The following ACACA variants were observed in gnomAD, a reference collection of about 807,000 sequenced individuals.
The protein encoded by ACACA is acetyl-CoA carboxylase 1.
Under a neutral mutation model 296.1 loss-of-function variants are expected in ACACA, and 103 were observed. That is an observed-to-expected ratio of 0.35 (90% CI 0.30 to 0.41). The LOEUF (loss-of-function observed/expected upper bound fraction) is 0.41, where lower values mean the gene tolerates loss of function less well. Among genes scored for constraint, ACACA ranks in the 10% least tolerant of loss-of-function variants. The pLI is 1.00. For synonymous variants in ACACA, 953 were observed against 1,038.6 expected, an observed-to-expected ratio of 0.92 and a Z score of 1.58; for missense variants, 1,554 against 2,989.7, an observed-to-expected ratio of 0.52 and a Z score of 11.20.
At chr17:37,351,379 C>T (rs1022972600) in intron 1 of ACACA, among the ~76,000 whole-genome samples, 2 of 152,172 alleles carry the variant, frequency 1.3e-5, no homozygotes, top group African/African-American at 4.8e-5. Context: ...ACGAGAATTG[C>T]TTGAACCCAG....
rs3049593 is a variant in ACACA, at chr17:37,103,722, AACAC to A, written c.6566-5742_6566-5739del. ...AAGACCCTGTCTCTACAAACACACAAACACACACACACACACACACACACACACA... is the reference window on the plus strand; with the variant it reads ...AAGACCCTGTCTCTACAAACACACAAACACACACACACACACACACACACA... On this transcript the variant is annotated intron_variant, in intron 52 of 55. Coordinates refer to ENST00000616317, the MANE Select transcript of ACACA (RefSeq NM_198834.3). 7.2e-3 allele frequency among the ~76,000 whole-genome samples: 1,068 copies of A among 148,548 alleles called. 5 individuals carry two copies. The highest frequency in any genetic ancestry group is 0.024 in the South Asian group (114 of 4,706).
At chr17:37,311,330 C>T (rs2084129802) in intron 3 of ACACA, among the ~76,000 whole-genome samples, 1 of 152,054 alleles carries the variant, frequency 6.6e-6, no homozygotes, top group Admixed American at 6.6e-5. Context: ...ACCCTCCCTC[C>T]TTTGGTCATC....
At chr17:37,301,170 A>G (rs1325065789) in intron 3 of ACACA, among the ~76,000 whole-genome samples, 1 of 152,178 alleles carries the variant, frequency 6.6e-6, no homozygotes, top group Non-Finnish European at 1.5e-5. Flanking sequence ...CCTTTCACCA[A>G]ACGGATCTTT....
intron 52 of ACACA, among the ~76,000 whole-genome samples, chr17:37,101,421 T>C (rs2073356076): frequency 6.6e-6 from 1 of 152,200 alleles, no homozygotes; most frequent in Admixed American, 6.5e-5. Flanking sequence ...ATTAATTTAT[T>C]ATCACAACAA....
In ACACA at chr17:37,377,706, A is replaced by AAAT. The variant is rs1568074768; in HGVS notation, c.38+28555_38+28556insATT. Reference sequence around the variant, plus strand: ...ATAAATAAATAAATAAATAAATAAAAGTAAAGTCTTTTTAGAGAGTGTTTG... The same window carrying AAAT: ...ATAAATAAATAAATAAATAAATAAAAAATGTAAAGTCTTTTTAGAGAGTGTTTG... On this transcript the variant is annotated intron_variant, in intron 1 of 55. Transcript: ENST00000616317. Among the ~76,000 whole-genome samples, 4 of 148,466 alleles carry AAAT rather than the reference A, an allele frequency of 2.7e-5. No individual in the cohort carries two copies. The East Asian group carries it at 6.0e-4, about 22-fold the overall frequency.
chr17:37,274,418 A>G, intron 8 of ACACA, 119 bp from the exon 9 acceptor site: 5 of 1,075,020 alleles, frequency 4.7e-6, no homozygotes, highest in Non-Finnish European at 7.0e-6. Context: ...GATGGGAGAA[A>G]GAAGGATGCC....
At chr17:37,323,651 T>C (rs745951637) in intron 3 of ACACA, among the ~76,000 whole-genome samples, 5 of 152,066 alleles carry the variant, frequency 3.3e-5, no homozygotes, top group Non-Finnish European at 7.4e-5. Context: ...GAAATCACAC[T>C]ATGCTAGAGA....
chr17:37,103,610 C>G (rs575066240), intron 52 of ACACA, among the ~76,000 whole-genome samples: 1 of 152,092 alleles, frequency 6.6e-6, no homozygotes, highest in Non-Finnish European at 1.5e-5. Flanking sequence ...GTGCTCCCAT[C>G]CTTTCCTATC....
chr17:37,226,233 A>C (rs2079539655), intron 26 of ACACA, 106 bp downstream of exon 26: 2 of 894,330 alleles, frequency 2.2e-6, no homozygotes, highest in Non-Finnish European at 3.8e-6. Context: ...ATATATAGAA[A>C]ATAACATGTT....
intron 3 of ACACA, among the ~76,000 whole-genome samples, chr17:37,329,785 CA>C (rs1279035418): frequency 1.3e-5 from 2 of 151,558 alleles, no homozygotes; most frequent in East Asian, 1.9e-4. Context: ...ACTAAAAACA[CA>C]AAAAATTAGC....
rs201135560 is a variant in ACACA, at chr17:37,182,328, TATTAA to T, written c.4777-977_4777-973del. Among the ~76,000 whole-genome samples, 1,108 of 151,892 alleles carry T rather than the reference TATTAA, an allele frequency of 7.3e-3. 5 individuals carry two copies. The highest frequency in any genetic ancestry group is 9.0e-3 in the Non-Finnish European group (610 of 67,956). On this transcript the variant is annotated intron_variant, in intron 39 of 55. Transcript: ENST00000616317. Reference sequence around the variant, plus strand: ...TACATATAGTAAAATAACCATATTATATTAAATTATGTATATTAAAAAACATATAT... The same window carrying T: ...TACATATAGTAAAATAACCATATTATATTATGTATATTAAAAAACATATAT...
chr17:37,159,190 G>A (rs1167519726), intron 42 of ACACA, among the ~76,000 whole-genome samples: 1 of 151,330 alleles, frequency 6.6e-6, no homozygotes, highest in Non-Finnish European at 1.5e-5. Flanking sequence ...AAAAAAAAAA[G>A]AGATAAAATT....
intron 1 of ACACA, among the ~76,000 whole-genome samples, chr17:37,401,413 G>C (rs1444489053): frequency 6.6e-6 from 1 of 151,604 alleles, no homozygotes; most frequent in Non-Finnish European, 1.5e-5. Context: ...GGCTGGTCTC[G>C]AACTCCTGAC....
intron 1 of ACACA, among the ~76,000 whole-genome samples, chr17:37,380,962 T>C (rs2147738808): frequency 6.6e-6 from 1 of 151,830 alleles, no homozygotes; most frequent in East Asian, 1.9e-4. Flanking sequence ...TATAGATTTA[T>C]AGTGAAAAGT....
chr17:37,390,253 T>TAATTATATATAATATATTATA lies in ACACA; in HGVS notation c.38+16008_38+16009insTATAATATATTATATATAATT, dbSNP rs2050767925. Among the ~76,000 whole-genome samples the TAATTATATATAATATATTATA allele has an allele frequency of 8.6e-5, 3 of 35,086 alleles. 1 individual carries two copies. Among genetic ancestry groups the TAATTATATATAATATATTATA allele is most frequent in the African/African-American group, 7.7e-4 (3 of 3,918 alleles). 23.0% of individuals were successfully genotyped at this position (35,086 alleles called of 152,430 possible). A position where few individuals can be genotyped will look rare whatever the true frequency, so the allele number is the denominator to read the frequency against. ...TTATATATAATATATTATATATATATTATATATAATTATATATAATATATT... is the reference window on the plus strand; with the variant it reads ...TTATATATAATATATTATATATATATAATTATATATAATATATTATATATATATAATTATATATAATATATT... On this transcript the variant is annotated intron_variant, in intron 1 of 55. Transcript: ENST00000616317.
At chr17:37,272,540 T>C (rs1316803348) in intron 9 of ACACA, among the ~76,000 whole-genome samples, 3 of 151,102 alleles carry the variant, frequency 2.0e-5, no homozygotes, top group Non-Finnish European at 2.9e-5. Context: ...ATCAAAGAGA[T>C]AGCTTAAAAA....
At chr17:37,239,613 CCT>C (rs1435074604) in intron 24 of ACACA, among the ~76,000 whole-genome samples, 1 of 152,138 alleles carries the variant, frequency 6.6e-6, no homozygotes, top group Non-Finnish European at 1.5e-5. Context: ...CTCTCCACAC[CCT>C]GTTATCTTGA....
Position 37,284,950 on chromosome 17 carries a change from T to C in ACACA, c.359A>G (p.His120Arg). 6.2e-7 allele frequency: 1 copy of C among 1,614,128 alleles called. No homozygotes were observed. Residue 120 changes from histidine to arginine, a missense_variant, in exon 4 of 56, where the codon CAC becomes CGC. Physicochemically the swap from His to Arg is conservative, Grantham distance 29. Coordinates refer to ENST00000616317, the MANE Select transcript of ACACA (RefSeq NM_198834.3). ...TCTGTCTCGGCCCTGCTTTACTAGG[T>C]GCAAGCCAGACATGCTGGACCTATA... ...LHIRSSMSGL[H>R]LVKQGRDRKK... is the part of the protein sequence containing the mutation.
At chr17:37,177,290 GT>G (rs2077156108) in intron 41 of ACACA, among the ~76,000 whole-genome samples, 3 of 151,802 alleles carry the variant, frequency 2.0e-5, no homozygotes, top group South Asian at 4.2e-4. Flanking sequence ...GTGTGTGTGT[GT>G]GTGTGTGTGT....
Sources: gnomAD v4.1 joint callset for allele counts (sites outside exome capture counted in the v4.1 genomes callset) on GRCh38, gnomAD v4.1.1 for gene constraint, MANE v1.5 for transcripts, NCBI Gene and HGNC (gene_info 2026-07-23, HGNC 2026-07-21) for gene names.